PLXDC2: variants seen among roughly 807,000 people sequenced by gnomAD.
The protein encoded by PLXDC2 is plexin domain containing 2.
Under a neutral mutation model 68.9 loss-of-function variants are expected in PLXDC2, and 40 were observed. The observed-to-expected ratio is 0.58, with a 90% CI of 0.45 to 0.76. The LOEUF (loss-of-function observed/expected upper bound fraction) is 0.76. PLXDC2 is among the 30% of genes least tolerant of loss of function. The pLI is 0.00. For synonymous variants in PLXDC2, 243 were observed against 234.2 expected (o/e 1.04, Z -0.34); for missense variants, 644 against 661.9 (o/e 0.97, Z 0.30).
At chr10:20,073,379 T>G (rs1356928577) in intron 4 of PLXDC2, among the ~76,000 whole-genome samples, 2 of 152,208 alleles carry the variant, frequency 1.3e-5, no homozygotes, top group Non-Finnish European at 2.9e-5. Flanking sequence ...CAGCACAATT[T>G]AAAAATGGAA....
chr10:20,059,827 C>A (rs914565147), intron 3 of PLXDC2, among the ~76,000 whole-genome samples: 4 of 152,142 alleles, frequency 2.6e-5, no homozygotes, highest in African/African-American at 9.7e-5. Context: ...ATCCTGCCCA[C>A]TATGCTATTT....
At chr10:20,233,985 T>C (rs1248426732) in intron 12 of PLXDC2, among the ~76,000 whole-genome samples, 4 of 67,786 alleles carry the variant, frequency 5.9e-5, no homozygotes, top group Non-Finnish European at 9.3e-5. Flanking sequence ...CATGCCCACC[T>C]ACTTTTTTTT....
intron 12 of PLXDC2, among the ~76,000 whole-genome samples, chr10:20,235,109 G>T (rs1237734631): frequency 6.6e-6 from 1 of 152,150 alleles, no homozygotes; most frequent in African/African-American, 2.4e-5. Flanking sequence ...CTATGTCCAA[G>T]CTACCGTTTG....
intron 4 of PLXDC2, among the ~76,000 whole-genome samples, chr10:20,117,348 G>T (rs79238278): frequency 6.6e-6 from 1 of 152,082 alleles, no homozygotes; most frequent in Admixed American, 6.5e-5. Flanking sequence ...CTCTCAAACC[G>T]ACTTATAACT....
At chr10:19,887,141 T>G (rs1371566095) in intron 1 of PLXDC2, among the ~76,000 whole-genome samples, 1 of 152,216 alleles carries the variant, frequency 6.6e-6, no homozygotes, top group Non-Finnish European at 1.5e-5. Context: ...ATTATGTCTT[T>G]TGTAGTTGCC....
chr10:19,997,303 T>C (rs760129999), intron 1 of PLXDC2, among the ~76,000 whole-genome samples: 8 of 152,232 alleles, frequency 5.3e-5, no homozygotes, highest in Non-Finnish European at 1.0e-4. Context: ...CAAAGACATA[T>C]GGCATTCTAT....
chr10:20,140,166 G>A (rs538454316), intron 4 of PLXDC2, among the ~76,000 whole-genome samples: 2 of 152,106 alleles, frequency 1.3e-5, no homozygotes, highest in African/African-American at 4.8e-5. Context: ...CGGGCGTGGT[G>A]GAGGGCGCCT....
At chr10:19,851,834 C>G (rs1267999210) in intron 1 of PLXDC2, among the ~76,000 whole-genome samples, 1 of 152,222 alleles carries the variant, frequency 6.6e-6, no homozygotes, top group Non-Finnish European at 1.5e-5. Context: ...AGGCATGAGC[C>G]ACTGCACCTG....
rs531087804 is a variant in PLXDC2 at position 20,016,254 on chromosome 10, T to C, written c.324+14268T>C. ...GCAACTTGTATGGATGTAGGGAAAG[T>C]AGTGTTTAACTGAGGGTTAGACATA... On this transcript the variant is annotated intron_variant, in intron 2 of 13. Coordinates refer to ENST00000377252, the MANE Select transcript of PLXDC2 (RefSeq NM_032812.9). Among the ~76,000 whole-genome samples the C allele has an allele frequency of 3.4e-4, 52 of 151,942 alleles. 1 individual carries two copies. The South Asian group carries it at 0.011, about 31-fold the overall frequency.
At chr10:20,162,042 A>AAGAGAG (rs139175193) in intron 6 of PLXDC2, among the ~76,000 whole-genome samples, 1 of 72,358 alleles carries the variant, frequency 1.4e-5, no homozygotes, top group African/African-American at 5.5e-5. Flanking sequence ...GAAAGAAAGA[A>AAGAGAG]AGAGAGAGAG....
At chr10:19,833,520 T>C (rs1457531259) in intron 1 of PLXDC2, among the ~76,000 whole-genome samples, 1 of 152,234 alleles carries the variant, frequency 6.6e-6, no homozygotes, top group Non-Finnish European at 1.5e-5. Flanking sequence ...AAGGAGTTTA[T>C]TTTTTAACAA....
chr10:20,066,921 G>A (rs1360647778), intron 3 of PLXDC2, among the ~76,000 whole-genome samples: 2 of 152,106 alleles, frequency 1.3e-5, no homozygotes, highest in Non-Finnish European at 2.9e-5. Flanking sequence ...CATGTGTGCT[G>A]TTGGGCTCTC....
intron 1 of PLXDC2, among the ~76,000 whole-genome samples, chr10:19,843,371 T>C (rs1238225840): frequency 6.6e-6 from 1 of 152,194 alleles, no homozygotes; most frequent in Non-Finnish European, 1.5e-5. Context: ...TTGTAAAGTT[T>C]TTCTGGGTTT....
chr10:20,012,209 ACT>A (rs1394479897), intron 2 of PLXDC2, among the ~76,000 whole-genome samples: 1 of 150,236 alleles, frequency 6.7e-6, no homozygotes, highest in Non-Finnish European at 1.5e-5. Flanking sequence ...TAATATTTAC[ACT>A]CTGCTAAATA....
intron 3 of PLXDC2, among the ~76,000 whole-genome samples, chr10:20,059,806 C>G (rs1368106343): frequency 6.6e-6 from 1 of 152,038 alleles, no homozygotes; most frequent in Non-Finnish European, 1.5e-5. Flanking sequence ...ATGGTAAAAG[C>G]ATTATTAGTT....
chr10:19,941,944 T>G (rs2131398451), intron 1 of PLXDC2, among the ~76,000 whole-genome samples: 1 of 151,990 alleles, frequency 6.6e-6, no homozygotes, highest in South Asian at 2.1e-4. Flanking sequence ...CGTTTTGTAT[T>G]GTGTTTGTTT....
At chr10:20,171,383 C>T (rs757836623) in intron 7 of PLXDC2, among the ~76,000 whole-genome samples, 1 of 152,154 alleles carries the variant, frequency 6.6e-6, no homozygotes, top group Non-Finnish European at 1.5e-5. Flanking sequence ...AATTGCTTCT[C>T]TTAACAGCAC....
At chr10:19,928,558 A>G (rs1349334983) in intron 1 of PLXDC2, among the ~76,000 whole-genome samples, 3 of 152,126 alleles carry the variant, frequency 2.0e-5, no homozygotes, top group Non-Finnish European at 2.9e-5. Context: ...TTTTAATAAT[A>G]TGGGGGCACT....
Position 20,280,905 on chromosome 10 carries a change from A to G in PLXDC2, c.*1086A>G, listed in dbSNP as rs1464429979. ...TTTCTTTAAAGCACATAGTAGTTACATAAATATATATATATAAATATATTT... is the reference window on the plus strand; with the variant it reads ...TTTCTTTAAAGCACATAGTAGTTACGTAAATATATATATATAAATATATTT... On this transcript the variant is annotated 3_prime_UTR_variant, in exon 14 of 14. Coordinates refer to ENST00000377252, the MANE Select transcript of PLXDC2 (RefSeq NM_032812.9). 1 of 151,912 alleles carries G rather than the reference A, an allele frequency of 6.6e-6. No individual in the cohort carries two copies. The highest frequency in any genetic ancestry group is 1.5e-5 in the Non-Finnish European group (1 of 67,982). The allele number at this position is 151,912 out of a possible 1,614,324, so 9.4% of individuals were successfully genotyped here. A position where few individuals can be genotyped will look rare whatever the true frequency, so the allele number is the denominator to read the frequency against.
Sources: gnomAD v4.1 joint callset for allele counts (sites outside exome capture counted in the v4.1 genomes callset) on GRCh38, gnomAD v4.1.1 for gene constraint, MANE v1.5 for transcripts, NCBI Gene and HGNC (gene_info 2026-07-23, HGNC 2026-07-21) for gene names.